The following TCEA1 variants were observed in gnomAD, a reference collection of about 807,000 sequenced individuals.
TCEA1 encodes transcription elongation factor A1.
In TCEA1, 21 loss-of-function variants were observed where a neutral mutation model predicts 43.8. The observed-to-expected ratio is 0.48, with a 90% CI of 0.34 to 0.69. The LOEUF (loss-of-function observed/expected upper bound fraction) is 0.69. Ranked by LOEUF, TCEA1 falls within the 30% of genes least tolerant of loss-of-function variation. TCEA1 has a pLI of 0.01. For synonymous variants in TCEA1, 104 were observed against 117.5 expected, an observed-to-expected ratio of 0.88 and a Z score of 0.75; for missense variants, 250 against 365.1, an observed-to-expected ratio of 0.68 and a Z score of 2.57.
chr8:53,998,341 C>G (rs1346189356), intron 3 of TCEA1, among the ~76,000 whole-genome samples: 1 of 151,244 alleles, frequency 6.6e-6, no homozygotes, highest in African/African-American at 2.4e-5. Flanking sequence ...CCTTTCTGTA[C>G]TTTTTTTTTG....
At chr8:54,000,312 A>G (rs939514977) in intron 2 of TCEA1, among the ~76,000 whole-genome samples, 12 of 152,210 alleles carry the variant, frequency 7.9e-5, no homozygotes, top group Non-Finnish European at 1.5e-5. Flanking sequence ...GAAAAATGCA[A>G]TCAATCTTTC....
At chr8:54,011,945 T>C (rs1804666616) in intron 1 of TCEA1, among the ~76,000 whole-genome samples, 1 of 152,226 alleles carries the variant, frequency 6.6e-6, no homozygotes, top group Admixed American at 6.5e-5. Context: ...ATTTGCTGTT[T>C]AAAGATCTCT....
chr8:53,972,588 G>C (rs1803190757), intron 8 of TCEA1: 2 of 562,494 alleles, frequency 3.6e-6, no homozygotes, highest in Non-Finnish European at 7.0e-6. Context: ...ACCTAAAGGA[G>C]GTGTTATATT....
chr8:54,008,740 A>G (rs1416295636), intron 2 of TCEA1, among the ~76,000 whole-genome samples: 2 of 152,096 alleles, frequency 1.3e-5, no homozygotes, highest in African/African-American at 4.8e-5. Flanking sequence ...CAACAGGTAT[A>G]AGAAAAAATG....
At chr8:54,006,473 C>A (rs1804463265) in intron 2 of TCEA1, among the ~76,000 whole-genome samples, 1 of 151,904 alleles carries the variant, frequency 6.6e-6, no homozygotes, top group African/African-American at 2.4e-5. Flanking sequence ...GAGTGAAACT[C>A]CATCTCAAAG....
intron 6 of TCEA1, among the ~76,000 whole-genome samples, chr8:53,985,950 C>T (rs1803678902): frequency 6.6e-6 from 1 of 152,202 alleles, no homozygotes; most frequent in South Asian, 2.1e-4. Flanking sequence ...CAATACTGTA[C>T]TTTCCTTTTC....
At chr8:53,971,100 G>A (rs1453193976) in intron 8 of TCEA1, 1 of 152,148 alleles carries the variant, frequency 6.6e-6, no homozygotes, top group African/African-American at 2.4e-5. Flanking sequence ...ATATCCATCT[G>A]ATGAAATATT....
At position 54,022,049 on chromosome 8, in the gene TCEA1, C is replaced by T. The variant is rs1348136473; in HGVS notation, c.63+14G>A. 2.5e-6 allele frequency: 4 copies of T among 1,573,642 alleles called. No homozygotes were observed. The South Asian group carries it at 3.4e-5, about 13-fold the overall frequency. On this transcript the variant is annotated intron_variant, in intron 1 of 9. Coordinates refer to ENST00000521604, the MANE Select transcript of TCEA1 (RefSeq NM_006756.4). ...CCGGCCTCCCTCCCGGCCCGCGCCG[C>T]TCGCCGCGCTCACCGCGTTCTTCTT...
chr8:53,996,918 T>TTTTTTTTTTTTTTTTA (rs1471902060), intron 3 of TCEA1, among the ~76,000 whole-genome samples: 1 of 149,012 alleles, frequency 6.7e-6, no homozygotes, highest in East Asian at 2.0e-4. Context: ...TTTTTTTTTT[T>TTTTTTTTTTTTTTTTA]AGACAGACTC....
chr8:53,976,112 G>A (rs1781668522), intron 8 of TCEA1, among the ~76,000 whole-genome samples: 1 of 152,062 alleles, frequency 6.6e-6, no homozygotes, highest in Non-Finnish European at 1.5e-5. Context: ...CTTAAGTTGT[G>A]GCAAGAACCT....
chr8:54,010,208 C>T, intron 2 of TCEA1: 1 of 416,382 alleles, frequency 2.4e-6, no homozygotes, highest in Non-Finnish European at 4.2e-6. Flanking sequence ...CTACTGCCAA[C>T]TTTAGAGATT....
chr8:54,016,364 G>A (rs558038433), intron 1 of TCEA1, among the ~76,000 whole-genome samples: 6 of 152,082 alleles, frequency 3.9e-5, no homozygotes, highest in Non-Finnish European at 8.8e-5. Flanking sequence ...CCAGCTACTC[G>A]GGAGGCTGAG....
chr8:53,983,869 C>T (rs762188471), intron 7 of TCEA1, among the ~76,000 whole-genome samples: 5 of 152,166 alleles, frequency 3.3e-5, no homozygotes, highest in Non-Finnish European at 7.3e-5. Flanking sequence ...GAGGCCAAGG[C>T]GGACAGATCA....
chr8:54,005,952 T>C (rs958561408), intron 2 of TCEA1, among the ~76,000 whole-genome samples: 2 of 152,192 alleles, frequency 1.3e-5, no homozygotes, highest in Non-Finnish European at 2.9e-5. Context: ...CATATGCAAC[T>C]AGCTCTCCTT....
At chr8:53,975,216 G>A (rs968158268) in intron 8 of TCEA1, among the ~76,000 whole-genome samples, 6 of 152,130 alleles carry the variant, frequency 3.9e-5, no homozygotes, top group Admixed American at 3.9e-4. Flanking sequence ...AGTTTTTACA[G>A]TACTTAATTC....
intron 1 of TCEA1, among the ~76,000 whole-genome samples, chr8:54,012,459 C>T (rs1280728100): frequency 6.6e-6 from 1 of 152,164 alleles, no homozygotes; most frequent in African/African-American, 2.4e-5. Flanking sequence ...ACTCAGGAGA[C>T]TGAGGCAGAG....
At chr8:54,007,002 A>G (rs1447159997) in intron 2 of TCEA1, among the ~76,000 whole-genome samples, 1 of 152,040 alleles carries the variant, frequency 6.6e-6, no homozygotes, top group Non-Finnish European at 1.5e-5. Flanking sequence ...CACCATGCCC[A>G]GCTAATTTTT....
chr8:53,992,029 G>A (rs1005015223), intron 4 of TCEA1, among the ~76,000 whole-genome samples: 6 of 152,106 alleles, frequency 3.9e-5, no homozygotes, highest in South Asian at 2.1e-4. Context: ...ACCTCAACAC[G>A]GGCTGGGTGC....
chr8:53,993,531 G>A, intron 4 of TCEA1, 137 bp downstream of exon 4: 1 of 617,610 alleles, frequency 1.6e-6, no homozygotes. Flanking sequence ...AGAATACATG[G>A]CTACATACAT....
Sources: allele counts gnomAD v4.1 joint callset (sites outside exome capture counted in the v4.1 genomes callset), GRCh38; gene constraint gnomAD v4.1.1; transcripts MANE v1.5; gene names NCBI Gene and HGNC (gene_info 2026-07-23, HGNC 2026-07-21).